GLP2R: variants seen among roughly 807,000 people sequenced by gnomAD.
GLP2R encodes the protein glucagon-like peptide 2 receptor.
In GLP2R, 59 loss-of-function variants were observed where a neutral mutation model predicts 68.2. The observed-to-expected ratio is 0.87, with a 90% confidence interval of 0.70 to 1.07. The LOEUF (loss-of-function observed/expected upper bound fraction) is 1.07, where lower values mean the gene tolerates loss of function less well. GLP2R is among the 50% of genes least tolerant of loss of function. The pLI, the probability that GLP2R is intolerant of heterozygous loss-of-function variation, is 0.00. For missense variants in GLP2R, 548 were observed against 677.4 expected (o/e 0.81, Z 2.12); for synonymous variants, 270 against 265.4 (o/e 1.02, Z -0.17).
At chr17:9,873,295 GC>G (rs2067112447) in intron 10 of GLP2R, among the ~76,000 whole-genome samples, 1 of 152,112 alleles carries the variant, frequency 6.6e-6, no homozygotes, top group Non-Finnish European at 1.5e-5. Context: ...GCTGCTTTGT[GC>G]CCCCAAAGCC....
chr17:9,873,349 G>A (rs760571147), intron 10 of GLP2R, among the ~76,000 whole-genome samples: 4 of 152,048 alleles, frequency 2.6e-5, no homozygotes, highest in Admixed American at 6.6e-5. Flanking sequence ...AAGACCCACA[G>A]CAACCCCTAA....
At chr17:9,868,782 C>G (rs927660224) in intron 9 of GLP2R, among the ~76,000 whole-genome samples, 6 of 152,136 alleles carry the variant, frequency 3.9e-5, no homozygotes, top group Admixed American at 1.3e-4. Context: ...AACATGCTTC[C>G]CATTATAACC....
chr17:9,840,727 T>G (rs2066778286), intron 3 of GLP2R, among the ~76,000 whole-genome samples: 1 of 152,174 alleles, frequency 6.6e-6, no homozygotes, highest in Admixed American at 6.5e-5. Flanking sequence ...AAGGAAGTCT[T>G]CGATGGCAAG....
intron 1 of GLP2R, among the ~76,000 whole-genome samples, chr17:9,827,974 A>AAAG (rs1158611487): frequency 8.3e-4 from 126 of 151,680 alleles, no homozygotes; most frequent in Middle Eastern, 6.8e-3. Context: ...AAAAAAAAAA[A>AAAG]AAAAAAGGAA....
chr17:9,889,697 G>A lies in GLP2R; in HGVS notation c.1654G>A (p.Glu552Lys), dbSNP rs2067275012. 1 of 1,552,148 alleles carries A rather than the reference G, an allele frequency of 6.4e-7. No individual in the cohort carries two copies. The highest frequency in any genetic ancestry group is 1.4e-5 in the African/African-American group (1 of 73,326). ...NTMEEILEES[E>K]I ...CATGGAGGAGATTCTGGAAGAGAGT[G>A]AGATCTAGGGTGGAGTTCCACCACC... Residue 552 changes from glutamate to lysine, a missense_variant, in exon 13 of 13, where the codon GAG (glutamate) becomes AAG (lysine). Coordinates refer to ENST00000262441, the MANE Select transcript of GLP2R (RefSeq NM_004246.3).
intron 6 of GLP2R, among the ~76,000 whole-genome samples, chr17:9,858,457 C>T (rs2066954265): frequency 6.6e-6 from 1 of 152,140 alleles, no homozygotes; most frequent in Admixed American, 6.5e-5. Flanking sequence ...CTTGTAATGC[C>T]TTTGTCAGGT....
intron 10 of GLP2R, among the ~76,000 whole-genome samples, chr17:9,878,812 C>A (rs555003552): frequency 6.6e-6 from 1 of 152,294 alleles, no homozygotes; most frequent in African/African-American, 2.4e-5. Context: ...CAGAGTTAAA[C>A]CTTCCTTAAG....
At chr17:9,847,744 G>C (rs910410226) in intron 4 of GLP2R, among the ~76,000 whole-genome samples, 1 of 152,134 alleles carries the variant, frequency 6.6e-6, no homozygotes, top group Non-Finnish European at 1.5e-5. Flanking sequence ...TCGTATTCAG[G>C]TTCTACACGT....
At chr17:9,836,243 C>CTGG (rs1468074515) in intron 2 of GLP2R, 128 bp from the exon 3 acceptor site, 22 of 663,774 alleles carry the variant, frequency 3.3e-5, no homozygotes, top group Non-Finnish European at 4.4e-5. Context: ...GGCACCCATG[C>CTGG]TGGTTTCTGC....
chr17:9,870,794 G>A lies in GLP2R; in HGVS notation c.1104G>A (p.Lys368=), dbSNP rs770095905. ...FLKILKLLIS[K]LKAHQMCFRD... ...AAATTCTCAAGCTTCTCATTTCTAA[G>A]CTCAAAGCTCATCAAATGTGCTTCA... is the stretch of plus-strand genomic sequence containing the variant. Residue 368 remains lysine (K), a synonymous_variant, in exon 10 of 13, where the codon AAG becomes AAA. Transcript: ENST00000262441. 6.3e-6 allele frequency: 10 copies of A among 1,586,198 alleles called. No individual in the cohort carries two copies. The highest frequency in any genetic ancestry group is 7.8e-6 in the Non-Finnish European group (9 of 1,154,534).
At chr17:9,886,988 T>G (rs903167162) in intron 11 of GLP2R, among the ~76,000 whole-genome samples, 7 of 152,048 alleles carry the variant, frequency 4.6e-5, no homozygotes, top group African/African-American at 1.7e-4. Flanking sequence ...TTACATCAAT[T>G]AGGGACAGCC....
chr17:9,873,238 A>G (rs910325408), intron 10 of GLP2R, among the ~76,000 whole-genome samples: 4 of 152,156 alleles, frequency 2.6e-5, no homozygotes, highest in African/African-American at 4.8e-5. Context: ...TTTCCAGGAG[A>G]CAGAAATGGT....
At chr17:9,876,736 C>T (rs1197934669) in intron 10 of GLP2R, among the ~76,000 whole-genome samples, 12 of 152,148 alleles carry the variant, frequency 7.9e-5, no homozygotes, top group African/African-American at 1.2e-4. Flanking sequence ...TGTCAAGGTG[C>T]CATATTTTGG....
intron 6 of GLP2R, among the ~76,000 whole-genome samples, chr17:9,857,970 TGTACA>T (rs1257692105): frequency 2.0e-5 from 3 of 152,240 alleles, no homozygotes; most frequent in African/African-American, 7.2e-5. Flanking sequence ...GACCTGAACA[TGTACA>T]GACTTTTTTT....
chr17:9,843,233 A>C (rs542699271), intron 4 of GLP2R, among the ~76,000 whole-genome samples: 2 of 152,330 alleles, frequency 1.3e-5, no homozygotes, highest in South Asian at 2.1e-4. Flanking sequence ...ATAAGCCCCC[A>C]AAAGGGGAAA....
intron 11 of GLP2R, among the ~76,000 whole-genome samples, chr17:9,880,771 A>G (rs553624190): frequency 6.6e-6 from 1 of 152,310 alleles, no homozygotes; most frequent in South Asian, 2.1e-4. Flanking sequence ...GTGACTCATG[A>G]TCATATTAAC....
intron 10 of GLP2R, among the ~76,000 whole-genome samples, chr17:9,871,558 C>A (rs183758377): frequency 3.3e-5 from 5 of 152,004 alleles, no homozygotes; most frequent in Admixed American, 3.3e-4. Flanking sequence ...GACTTGTTGT[C>A]GCTGCATCTC....
At chr17:9,855,275 G>C (rs1255595334) in intron 5 of GLP2R, among the ~76,000 whole-genome samples, 1 of 152,184 alleles carries the variant, frequency 6.6e-6, no homozygotes, top group Non-Finnish European at 1.5e-5. Flanking sequence ...CCATTTTGCA[G>C]AAGAAGGGGA....
At chr17:9,888,066 C>A in intron 12 of GLP2R, 93 bp downstream of exon 12, 1 of 877,874 alleles carries the variant, frequency 1.1e-6, no homozygotes, top group Non-Finnish European at 2.0e-6. Context: ...GATGATGCTA[C>A]GGGAGAATGT....
Sources: allele counts gnomAD v4.1 joint callset (sites outside exome capture counted in the v4.1 genomes callset), GRCh38; gene constraint gnomAD v4.1.1; transcripts MANE v1.5; gene names NCBI Gene and HGNC (gene_info 2026-07-23, HGNC 2026-07-21).